MTMR3: variants seen among roughly 807,000 people sequenced by gnomAD.
The protein encoded by MTMR3 is myotubularin related protein 3.
MTMR3 carries 32 observed loss-of-function variants against 132.4 expected under a neutral mutation model. The ratio of observed to expected loss-of-function variants is 0.24; its 90% CI spans 0.18 to 0.32. The LOEUF is 0.32. Ranked by LOEUF, MTMR3 falls within the 10% of genes least tolerant of loss-of-function variation. The pLI, the probability that MTMR3 is intolerant of heterozygous loss-of-function variation, is 1.00. For synonymous variants in MTMR3, 556 were observed against 550.3 expected (o/e 1.01, Z -0.14); for missense variants, 1,216 against 1,489.6 (o/e 0.82, Z 3.02).
chr22:30,002,463 A>G (rs1399560449), intron 8 of MTMR3: 2 of 153,166 alleles, frequency 1.3e-5, no homozygotes, highest in Non-Finnish European at 2.9e-5. Context: ...ACGGACTCTC[A>G]GTTCTGTAAT....
intron 1 of MTMR3, among the ~76,000 whole-genome samples, chr22:29,949,150 C>CTGTCTTAAAACACACACACACACA (rs1569019862): frequency 9.1e-4 from 42 of 46,316 alleles, no homozygotes; most frequent in African/African-American, 3.4e-3. Context: ...CACACCCCCC[C>CTGTCTTAAAACACACACACACACA]CCCCCCCCCC....
At chr22:30,001,637 A>C (rs574472757) in intron 8 of MTMR3, 7 of 152,264 alleles carry the variant, frequency 4.6e-5, no homozygotes, top group African/African-American at 1.7e-4. Context: ...AAACAACAGG[A>C]TGTTGAAAGT....
At chr22:30,023,581 T>C in intron 19 of MTMR3, 1 of 1,473,850 alleles carries the variant, frequency 6.8e-7, no homozygotes, top group Non-Finnish European at 9.5e-7. Flanking sequence ...CTTACTAGGG[T>C]GAAGCCTGGG....
chr22:29,937,471 A>G (rs1229827095), intron 1 of MTMR3, among the ~76,000 whole-genome samples: 1 of 150,700 alleles, frequency 6.6e-6, no homozygotes, highest in African/African-American at 2.5e-5. Flanking sequence ...GATGAAGTGC[A>G]AGCAGCACAA....
At chr22:29,963,807 C>T (rs2066361457) in intron 2 of MTMR3, among the ~76,000 whole-genome samples, 1 of 150,704 alleles carries the variant, frequency 6.6e-6, no homozygotes, top group Admixed American at 6.6e-5. Flanking sequence ...CGCCACTGCA[C>T]ACCAGTAGCC....
chr22:29,986,498 G>C (rs1601380000), intron 5 of MTMR3: 5 of 746,196 alleles, frequency 6.7e-6, no homozygotes, highest in Admixed American at 1.5e-4. Context: ...TTGTAGGTTT[G>C]TTTGTTTTTT....
intron 1 of MTMR3, among the ~76,000 whole-genome samples, chr22:29,946,449 A>G (rs1416903578): frequency 6.6e-6 from 1 of 152,194 alleles, no homozygotes; most frequent in South Asian, 2.1e-4. Flanking sequence ...AGAAAGGCTT[A>G]TCATTTCTGT....
chr22:30,019,250 T>C, intron 16 of MTMR3: 1 of 488,508 alleles, frequency 2.0e-6, no homozygotes, highest in Non-Finnish European at 3.6e-6. Flanking sequence ...CTCATTTGTA[T>C]GTATGGGGCA....
chr22:29,895,977 A>C (rs554392905), intron 1 of MTMR3, among the ~76,000 whole-genome samples: 1 of 152,256 alleles, frequency 6.6e-6, no homozygotes, highest in African/African-American at 2.4e-5. Flanking sequence ...CAATTTTTAA[A>C]ATTTTCGGTC....
At chr22:29,897,857 A>G (rs2064933585) in intron 1 of MTMR3, among the ~76,000 whole-genome samples, 1 of 152,188 alleles carries the variant, frequency 6.6e-6, no homozygotes, top group South Asian at 2.1e-4. Context: ...TAGCTCATGC[A>G]CTTATATTCT....
chr22:30,022,752 C>A, intron 19 of MTMR3, 55 bp downstream of exon 19: 1 of 1,464,708 alleles, frequency 6.8e-7, no homozygotes. Context: ...GAGGGTCGGC[C>A]CACAGAGCCT....
chr22:30,013,452 C>T lies in MTMR3; in HGVS notation c.1414C>T (p.Arg472Cys). The change falls in exon 14 of 20, where the codon CGT (arginine) becomes TGT (cysteine). Residue 472 changes from arginine to cysteine, a missense_variant. Physicochemically the swap from Arg to Cys is radical, Grantham distance 180. Transcript: ENST00000401950. The stretch of plus-strand genomic sequence containing the variant: ...GGAGAACTCGGATGATCTGAATGAA[C>T]GTTGCCCAGTGTTTCTGCAGTGGCT... ...HGENSDDLNE[R>C]CPVFLQWLDC... 3 of 1,614,138 alleles carry T rather than the reference C, an allele frequency of 1.9e-6. No individual in the cohort carries two copies. Among genetic ancestry groups the T allele is most frequent in the Non-Finnish European group, 2.5e-6 (3 of 1,180,004 alleles).
At chr22:30,016,960 T>C in intron 15 of MTMR3, 1 of 385,700 alleles carries the variant, frequency 2.6e-6, no homozygotes, top group South Asian at 4.4e-5. Flanking sequence ...ATGAATCTTT[T>C]TTGGCACTGC....
rs752670056 is a variant in MTMR3 at position 30,022,704 on chromosome 22, T to C, written c.3425+7T>C. The C allele has an allele frequency of 5.6e-6, 9 of 1,603,824 alleles. No homozygotes were observed. The highest frequency in any genetic ancestry group is 6.8e-6 in the Non-Finnish European group (8 of 1,178,246). Reference sequence around the variant, plus strand: ...GCAGGAAGCACCACTGCAGGTACCATTGAGGGGCTGTGGTAGGGTGGGCTG... The same window carrying C: ...GCAGGAAGCACCACTGCAGGTACCACTGAGGGGCTGTGGTAGGGTGGGCTG... On this transcript the variant is annotated splice_region_variant and intron_variant, in intron 19 of 19. Coordinates refer to ENST00000401950, the MANE Select transcript of MTMR3 (RefSeq NM_021090.4).
At chr22:30,009,753 GA>G (rs1197267876) in intron 12 of MTMR3, 1 of 152,216 alleles carries the variant, frequency 6.6e-6, no homozygotes, top group East Asian at 1.9e-4. Context: ...AAATTAGGAA[GA>G]ATGCTCTGTA....
intron 1 of MTMR3, among the ~76,000 whole-genome samples, chr22:29,896,869 T>TCTCACACACACACACACACACACA (rs145703649): frequency 7.2e-5 from 10 of 138,148 alleles, no homozygotes; most frequent in Admixed American, 3.0e-4. Flanking sequence ...CAGGCTTGTC[T>TCTCACACACACACACACACACACA]CACACACACA....
At chr22:29,922,801 G>A (rs1451210278) in intron 1 of MTMR3, among the ~76,000 whole-genome samples, 1 of 151,540 alleles carries the variant, frequency 6.6e-6, no homozygotes, top group Non-Finnish European at 1.5e-5. Flanking sequence ...AACCCAGCCA[G>A]CACTTAAAAA....
chr22:29,899,193 A>T (rs1313283584), intron 1 of MTMR3, among the ~76,000 whole-genome samples: 2 of 152,130 alleles, frequency 1.3e-5, no homozygotes, highest in East Asian at 3.8e-4. Context: ...TAGGCTATTT[A>T]ATCAGGAAAC....
intron 1 of MTMR3, among the ~76,000 whole-genome samples, chr22:29,939,147 C>T (rs147593095): frequency 5.2e-4 from 79 of 152,156 alleles, no homozygotes; most frequent in African/African-American, 1.9e-3. Context: ...TCTAATTGTG[C>T]TGCATAATTG....
Sources: gnomAD v4.1 joint callset for allele counts (sites outside exome capture counted in the v4.1 genomes callset) on GRCh38, gnomAD v4.1.1 for gene constraint, MANE v1.5 for transcripts, NCBI Gene and HGNC (gene_info 2026-07-23, HGNC 2026-07-21) for gene names.